Variants in VIRMA observed in about 807,000 individuals in gnomAD.
VIRMA encodes the protein vir like m6A methyltransferase associated.
VIRMA carries 65 observed loss-of-function variants against 182.4 expected under a neutral mutation model. The ratio of observed to expected loss-of-function variants is 0.36; its 90% confidence interval spans 0.29 to 0.44. The LOEUF (loss-of-function observed/expected upper bound fraction) is 0.44. Ranked by LOEUF, VIRMA falls within the 20% of genes least tolerant of loss-of-function variation. The pLI is 1.00. For missense variants in VIRMA, 1,752 were observed against 2,158.1 expected, an observed-to-expected ratio of 0.81 and a Z score of 3.73; for synonymous variants, 709 against 743.1, an observed-to-expected ratio of 0.95 and a Z score of 0.75.
chr8:94,512,120 G>A lies in VIRMA; in HGVS notation c.2752-31C>T, dbSNP rs780471279. On this transcript the variant is annotated intron_variant, in intron 11 of 23. Transcript: ENST00000297591. Reference sequence around the variant, plus strand: ...AAAATGAAAATGAACAGAATATTTCGTTTCTTAGTACCCATGAGATCAACA... The same window carrying A: ...AAAATGAAAATGAACAGAATATTTCATTTCTTAGTACCCATGAGATCAACA... 3.2e-5 allele frequency: 39 copies of A among 1,205,742 alleles called. No homozygotes were observed. In the African/African-American group the frequency reaches 4.2e-4, roughly 13 times the overall value. 74.7% of individuals were successfully genotyped at this position (1,205,742 alleles called of 1,614,324 possible).
chr8:94,517,441 G>A (rs1280193263), intron 10 of VIRMA, among the ~76,000 whole-genome samples: 1 of 152,194 alleles, frequency 6.6e-6, no homozygotes, highest in Non-Finnish European at 1.5e-5. Flanking sequence ...GACCTCAGGT[G>A]ATCCACCCGC....
chr8:94,491,949 A>C (rs199663643), intron 21 of VIRMA, 40 bp from the exon 22 acceptor site: 1 of 1,446,626 alleles, frequency 6.9e-7, no homozygotes, highest in East Asian at 2.3e-5. Flanking sequence ...TTTTTCTTTC[A>C]GGTTTCTAGC....
rs1418278580 is a variant in VIRMA, at chr8:94,492,834, T to C, written c.4642-16A>G. On this transcript the variant is annotated splice_polypyrimidine_tract_variant and intron_variant, in intron 20 of 23. Coordinates refer to ENST00000297591, the MANE Select transcript of VIRMA (RefSeq NM_015496.5). ...CAACCTTTACCTGCAGTCATAATAA[T>C]GAAACAAAACACATATTAAATGTAA... The C allele has an allele frequency of 1.3e-6, 2 of 1,594,552 alleles. No individual in the cohort carries two copies. The highest frequency in any genetic ancestry group is 1.7e-6 in the Non-Finnish European group (2 of 1,165,452).
intron 1 of VIRMA, among the ~76,000 whole-genome samples, chr8:94,552,325 A>G (rs943106262): frequency 6.6e-6 from 1 of 151,798 alleles, no homozygotes; most frequent in Non-Finnish European, 1.5e-5. Flanking sequence ...CACTATCATT[A>G]CTATCTCATA....
rs765295873 is a variant in VIRMA, at chr8:94,490,002, G to A, written c.5221C>T (p.Arg1741Cys). 12 of 1,614,016 alleles carry A rather than the reference G, an allele frequency of 7.4e-6. No individual in the cohort carries two copies. The highest frequency in any genetic ancestry group is 3.3e-4 in the Middle Eastern group (2 of 6,084). The change falls in exon 23 of 24, where the codon CGT (arginine) becomes TGT (cysteine). Residue 1741 changes from arginine (R) to cysteine (C), a missense_variant. Coordinates refer to ENST00000297591, the MANE Select transcript of VIRMA (RefSeq NM_015496.5). ...CTGTTAAAATTGCTCTGGCCTCCAC[G>A]ACTTTCATTGTAATTTCCTCGAGGA... ...NTPRGNYNESRGGQSNFNRGP... is the reference protein window; with the variant it reads ...NTPRGNYNESCGGQSNFNRGP...
intron 8 of VIRMA, among the ~76,000 whole-genome samples, chr8:94,523,309 C>T (rs2130340278): frequency 6.6e-6 from 1 of 152,266 alleles, no homozygotes; most frequent in Admixed American, 6.5e-5. Flanking sequence ...TCCCAGCCTA[C>T]AAATATGCTC....
chr8:94,521,544 AATT>A (rs1305776633), intron 8 of VIRMA, among the ~76,000 whole-genome samples: 1 of 152,198 alleles, frequency 6.6e-6, no homozygotes, highest in Non-Finnish European at 1.5e-5. Flanking sequence ...CTTAATTTTT[AATT>A]ATTAAGAATA....
Position 94,511,498 on chromosome 8 carries a change from A to G in VIRMA, c.3077T>C (p.Phe1026Ser). The change falls in exon 13 of 24, where the codon TTT (phenylalanine) becomes TCT (serine). Residue 1026 changes from phenylalanine to serine, a missense_variant. This residue lies in a region of VIRMA where 777 missense variants were observed against 920.6 expected (regional missense o/e 0.84). Transcript: ENST00000297591. ...MLTELLRGGS[F>S]EFKDMRVPSA... ...AGGAACACGCATGTCCTTAAACTCAAAGGATCCACCTCTCAGGAGTTCCGT... is the reference window on the plus strand; with the variant it reads ...AGGAACACGCATGTCCTTAAACTCAGAGGATCCACCTCTCAGGAGTTCCGT... The G allele has an allele frequency of 1.2e-6, 2 of 1,614,144 alleles. No homozygotes were observed. Among genetic ancestry groups the G allele is most frequent in the Admixed American group, 1.7e-5 (1 of 60,010 alleles).
intron 8 of VIRMA, among the ~76,000 whole-genome samples, chr8:94,524,625 G>A (rs930874776): frequency 6.6e-6 from 1 of 152,128 alleles, no homozygotes; most frequent in Non-Finnish European, 1.5e-5. Context: ...ATTTTTAGTA[G>A]AGATGGGGTT....
At chr8:94,517,722 T>C in intron 10 of VIRMA, 66 bp downstream of exon 10, 1 of 1,142,286 alleles carries the variant, frequency 8.8e-7, no homozygotes, top group Non-Finnish European at 1.2e-6. Context: ...AAGGACTAAT[T>C]ACAGATATTC....
intron 2 of VIRMA, among the ~76,000 whole-genome samples, chr8:94,543,479 T>C (rs1023293290): frequency 1.9e-4 from 29 of 149,438 alleles, no homozygotes; most frequent in Middle Eastern, 3.5e-3. Context: ...TTTCAACTAA[T>C]TCCCACTTAT....
rs781392977 is a variant in VIRMA, at chr8:94,495,758, T to G, written c.4517A>C (p.Glu1506Ala). 1 of 1,613,806 alleles carries G rather than the reference T, an allele frequency of 6.2e-7. No individual in the cohort carries two copies. The highest frequency in any genetic ancestry group is 8.5e-7 in the Non-Finnish European group (1 of 1,179,876). Reference protein sequence around the residue: ...QDVEPVLSAPESLQNLFNNRT... With the variant: ...QDVEPVLSAPASLQNLFNNRT... ...ATTGTTAAACAGATTCTGAAGAGAT[T>G]CTGGAGCTGAAAGTACTGGTTCTAC... The change falls in exon 19 of 24, where the codon GAA (glutamate) becomes GCA (alanine). Residue 1506 changes from glutamate (E) to alanine (A), a missense_variant. Coordinates refer to ENST00000297591, the MANE Select transcript of VIRMA (RefSeq NM_015496.5).
chr8:94,488,477 C>G lies in VIRMA; in HGVS notation c.*229G>C. The G allele has an allele frequency of 7.7e-6, 3 of 388,784 alleles. No homozygotes were observed. Among genetic ancestry groups the G allele is most frequent in the South Asian group, 6.6e-5 (1 of 15,212 alleles). 24.1% of individuals were successfully genotyped at this position (388,784 alleles called of 1,614,324 possible). On this transcript the variant is annotated 3_prime_UTR_variant, in exon 24 of 24. Coordinates refer to ENST00000297591, the MANE Select transcript of VIRMA (RefSeq NM_015496.5). ...ATTTAGTTTTTCACCTAGAAATTTT[C>G]TAAATAAATAGTCATACAAAAAAGG... is the stretch of plus-strand genomic sequence containing the variant.
intron 15 of VIRMA, 93 bp downstream of exon 15, chr8:94,509,595 A>C (rs1814286818): frequency 7.4e-6 from 10 of 1,358,844 alleles, no homozygotes; most frequent in Non-Finnish European, 1.0e-5. Flanking sequence ...CTGTTCATTC[A>C]CAGCCAAAAT....
At chr8:94,490,857 A>C (rs1043242046) in intron 22 of VIRMA, among the ~76,000 whole-genome samples, 1 of 152,042 alleles carries the variant, frequency 6.6e-6, no homozygotes, top group Non-Finnish European at 1.5e-5. Context: ...CCAAAAAAAA[A>C]AATCTTGTAA....
At chr8:94,490,402 A>C (rs572643398) in intron 22 of VIRMA, among the ~76,000 whole-genome samples, 5 of 152,250 alleles carry the variant, frequency 3.3e-5, no homozygotes, top group Admixed American at 3.3e-4. Context: ...TAAAGTGCTT[A>C]TAACAGTTCC....
chr8:94,541,343 T>G (rs1815547082), intron 2 of VIRMA, among the ~76,000 whole-genome samples: 1 of 151,926 alleles, frequency 6.6e-6, no homozygotes, highest in African/African-American at 2.4e-5. Context: ...CAAGTGATCC[T>G]CCTGCCTCGG....
At chr8:94,488,894 T>C in intron 23 of VIRMA, 34 bp from the exon 24 acceptor site, 1 of 1,595,056 alleles carries the variant, frequency 6.3e-7, no homozygotes, top group Non-Finnish European at 8.6e-7. Flanking sequence ...TTAGTTCCAA[T>C]GTCCTTTCTT....
rs1269825287 is a variant in VIRMA at position 94,488,866 on chromosome 8, A to G, written c.5285-6T>C. ...CCGAGGACTTGGGCGGTAACCTGTA[A>G]AAGAAAGAATACAGTTTTTAGTTCC... On this transcript the variant is annotated splice_polypyrimidine_tract_variant and splice_region_variant and intron_variant, in intron 23 of 23. Transcript: ENST00000297591. 14 of 1,610,730 alleles carry G rather than the reference A, an allele frequency of 8.7e-6. No individual in the cohort carries two copies. The Admixed American group carries it at 1.0e-4, about 12-fold the overall frequency.
Sources: gnomAD v4.1 joint callset for allele counts (sites outside exome capture counted in the v4.1 genomes callset) on GRCh38, gnomAD v4.1.1 for gene constraint, gnomAD v4.1.1 regional missense constraint, MANE v1.5 for transcripts, NCBI Gene and HGNC (gene_info 2026-07-23, HGNC 2026-07-21) for gene names.